ATP8A1: variants seen among roughly 807,000 people sequenced by gnomAD.
ATP8A1 encodes the protein ATPase phospholipid transporting 8A1.
A neutral mutation model predicts 177.7 loss-of-function variants in ATP8A1; 90 were observed. The observed-to-expected ratio is 0.51, with a 90% CI of 0.43 to 0.60. The LOEUF (loss-of-function observed/expected upper bound fraction) is 0.60, where lower values mean the gene tolerates loss of function less well. Ranked by LOEUF, ATP8A1 falls within the 20% of genes least tolerant of loss-of-function variation. The pLI is 0.00. For synonymous variants in ATP8A1, 493 were observed against 485.9 expected (o/e 1.01, Z -0.19); for missense variants, 1,072 against 1,392.8 (o/e 0.77, Z 3.67).
chr4:42,569,371 A>C, intron 14 of ATP8A1, among the ~76,000 whole-genome samples, 166 bp from the exon 15 acceptor site: 1 of 152,226 alleles, frequency 6.6e-6, no homozygotes, highest in East Asian at 1.9e-4. Flanking sequence ...CAGCAAATAG[A>C]ACATAATGAT....
At chr4:42,599,230 C>T (rs1037818765) in intron 6 of ATP8A1, among the ~76,000 whole-genome samples, 2 of 152,138 alleles carry the variant, frequency 1.3e-5, no homozygotes, top group African/African-American at 4.8e-5. Flanking sequence ...TTTATGTTAA[C>T]TACACTGACA....
chr4:42,570,198 C>A (rs1173298014), intron 14 of ATP8A1, among the ~76,000 whole-genome samples: 1 of 152,188 alleles, frequency 6.6e-6, no homozygotes, highest in African/African-American at 2.4e-5. Context: ...TAATTTGCTT[C>A]CAGTGCAGTA....
At chr4:42,591,542 A>G (rs376501746) in intron 6 of ATP8A1, among the ~76,000 whole-genome samples, 2 of 152,162 alleles carry the variant, frequency 1.3e-5, no homozygotes, top group African/African-American at 4.8e-5. Context: ...GCAATTAATG[A>G]AGTCTAGAGA....
intron 25 of ATP8A1, among the ~76,000 whole-genome samples, chr4:42,474,831 C>G (rs1022743326): frequency 6.6e-6 from 1 of 151,800 alleles, no homozygotes; most frequent in African/African-American, 2.4e-5. Context: ...GGAAAGGGTC[C>G]CTCACAGAAT....
intron 10 of ATP8A1, among the ~76,000 whole-genome samples, chr4:42,580,823 G>A (rs1199149926): frequency 1.3e-5 from 2 of 152,096 alleles, no homozygotes; most frequent in Admixed American, 6.5e-5. Context: ...ACTGTAGGCA[G>A]GTGTGAAGAT....
chr4:42,583,952 A>T (rs1733360993), intron 9 of ATP8A1, among the ~76,000 whole-genome samples: 1 of 152,238 alleles, frequency 6.6e-6, no homozygotes, highest in African/African-American at 2.4e-5. Flanking sequence ...AAATGGCCAA[A>T]TCTATCATTA....
intron 24 of ATP8A1, among the ~76,000 whole-genome samples, chr4:42,491,638 T>C (rs1471290566): frequency 1.3e-5 from 2 of 152,188 alleles, no homozygotes; most frequent in African/African-American, 2.4e-5. Flanking sequence ...GAAAGTATCA[T>C]AGCATGCAAG....
chr4:42,468,998 T>C (rs1452487676), intron 25 of ATP8A1, among the ~76,000 whole-genome samples: 4 of 128,836 alleles, frequency 3.1e-5, no homozygotes, highest in East Asian at 3.0e-4. Flanking sequence ...TTACTTTGCA[T>C]AGGGGTCTGC....
intron 24 of ATP8A1, among the ~76,000 whole-genome samples, chr4:42,497,605 C>T (rs1167687821): frequency 6.6e-6 from 1 of 152,106 alleles, no homozygotes; most frequent in African/African-American, 2.4e-5. Context: ...AACAACCTCA[C>T]TTAAGGTTCT....
chr4:42,482,330 CAAACA>C (rs1435016099), intron 25 of ATP8A1, among the ~76,000 whole-genome samples: 1,165 of 94,752 alleles, frequency 0.012, 12 homozygotes, highest in African/African-American at 0.035. Flanking sequence ...AACAAACAAA[CAAACA>C]AAAAAAAAAA....
chr4:42,620,869 G>C (rs903221801), intron 4 of ATP8A1, among the ~76,000 whole-genome samples: 1 of 152,180 alleles, frequency 6.6e-6, no homozygotes, highest in Admixed American at 6.5e-5. Flanking sequence ...TCTTAGACAA[G>C]TTACATGACC....
At chr4:42,452,471 C>T (rs1246547678) in intron 29 of ATP8A1, among the ~76,000 whole-genome samples, 1 of 152,068 alleles carries the variant, frequency 6.6e-6, no homozygotes, top group Non-Finnish European at 1.5e-5. Flanking sequence ...GTAAGCTTTC[C>T]AATGCTAAAG....
chr4:42,606,823 C>G (rs1735841463), intron 5 of ATP8A1, among the ~76,000 whole-genome samples: 1 of 152,150 alleles, frequency 6.6e-6, no homozygotes, highest in Admixed American at 6.6e-5. Context: ...ATTGCTGACT[C>G]CGGGGCATTT....
At chr4:42,516,158 C>G (rs1725517144) in intron 22 of ATP8A1, among the ~76,000 whole-genome samples, 1 of 152,144 alleles carries the variant, frequency 6.6e-6, no homozygotes, top group Non-Finnish European at 1.5e-5. Flanking sequence ...GCGCTGGAGA[C>G]ACAGTGATAA....
chr4:42,619,582 T>C (rs6833690), intron 4 of ATP8A1, among the ~76,000 whole-genome samples: 34,163 of 151,338 alleles, frequency 0.23, 4,324 homozygotes, highest in Non-Finnish European at 0.29. Flanking sequence ...CTGCAGGCAA[T>C]TCTTACTATA....
At chr4:42,588,176 C>A in intron 8 of ATP8A1, 84 bp downstream of exon 8, 1 of 1,214,650 alleles carries the variant, frequency 8.2e-7, no homozygotes. Flanking sequence ...CAGATTAGTT[C>A]AAGACAATAA....
chr4:42,432,751 T>C (rs1022590671), intron 33 of ATP8A1, among the ~76,000 whole-genome samples: 54 of 152,194 alleles, frequency 3.5e-4, no homozygotes, highest in Non-Finnish European at 6.0e-4. Flanking sequence ...CTGCACATCT[T>C]GGGTAGTCTG....
intron 24 of ATP8A1, among the ~76,000 whole-genome samples, chr4:42,499,910 C>A (rs1475823048): frequency 6.6e-6 from 1 of 152,158 alleles, no homozygotes; most frequent in Non-Finnish European, 1.5e-5. Flanking sequence ...TTAAAACAAA[C>A]TAAACGATAT....
At chr4:42,439,550 A>G (rs1304805213) in intron 33 of ATP8A1, among the ~76,000 whole-genome samples, 1 of 152,208 alleles carries the variant, frequency 6.6e-6, no homozygotes, top group Non-Finnish European at 1.5e-5. Flanking sequence ...GCCCCGCACC[A>G]TTAGGTCTGA....
Sources: allele counts gnomAD v4.1 joint callset (sites outside exome capture counted in the v4.1 genomes callset), GRCh38; gene constraint gnomAD v4.1.1; transcripts MANE v1.5; gene names NCBI Gene and HGNC (gene_info 2026-07-23, HGNC 2026-07-21).